Variants in PDE6B observed in about 807,000 individuals in gnomAD.
PDE6B encodes rod cGMP-specific 3',5'-cyclic phosphodiesterase subunit beta.
Under a neutral mutation model 109.0 loss-of-function variants are expected in PDE6B, and 106 were observed. That is an observed-to-expected ratio of 0.97 (90% CI 0.83 to 1.14). The LOEUF (loss-of-function observed/expected upper bound fraction) is 1.14, where lower values mean the gene tolerates loss of function less well. Among genes scored for constraint, PDE6B ranks in the 50% most tolerant of loss-of-function variants. PDE6B has a pLI of 0.00. For missense variants in PDE6B, 1,193 were observed against 1,155.6 expected, an observed-to-expected ratio of 1.03 and a Z score of -0.47; for synonymous variants, 490 against 471.3, an observed-to-expected ratio of 1.04 and a Z score of -0.51.
chr4:641,577 G>C (rs999389548), intron 3 of PDE6B, among the ~76,000 whole-genome samples: 2 of 152,228 alleles, frequency 1.3e-5, no homozygotes, highest in African/African-American at 4.8e-5. Context: ...AGGCGTCCCA[G>C]CTCCTGGGGG....
In PDE6B at chr4:670,775, G is replaced by A. The variant is rs1738423957; in HGVS notation, c.*668G>A. The A allele has an allele frequency of 6.5e-6, 1 of 153,046 alleles. No individual in the cohort carries two copies. The highest frequency in any genetic ancestry group is 2.4e-5 in the African/African-American group (1 of 41,428). 9.5% of individuals were successfully genotyped at this position (153,046 alleles called of 1,614,324 possible). The stretch of plus-strand genomic sequence containing the variant: ...TCAGGAATTCAGAATAAAATAAACA[G>A]AAAACTACTTGCCCATTATCTGTGG... On this transcript the variant is annotated 3_prime_UTR_variant, in exon 22 of 22. Transcript: ENST00000496514.
intron 9 of PDE6B, 98 bp downstream of exon 9, chr4:657,121 C>G: frequency 1.5e-6 from 2 of 1,332,572 alleles, no homozygotes; most frequent in Non-Finnish European, 2.2e-6. Context: ...CGGCTGTGTG[C>G]GTGTGCTCAT....
intron 3 of PDE6B, among the ~76,000 whole-genome samples, chr4:637,883 G>C (rs1734769543): frequency 6.6e-6 from 1 of 152,248 alleles, no homozygotes; most frequent in African/African-American, 2.4e-5. Flanking sequence ...ACAGTGGGAT[G>C]CCTGGGAGCT....
intron 8 of PDE6B, 30 bp downstream of exon 8, chr4:656,322 A>G (rs768361782): frequency 2.0e-5 from 27 of 1,365,414 alleles, no homozygotes; most frequent in Non-Finnish European, 2.8e-5. Context: ...TAGAAATTAT[A>G]CTTACTTACA....
In PDE6B at chr4:664,189, G is replaced by C. The variant is rs1577302684; in HGVS notation, c.2097G>C (p.Leu699=). 4 of 1,609,924 alleles carry C rather than the reference G, an allele frequency of 2.5e-6. No homozygotes were observed. The highest frequency in any genetic ancestry group is 2.2e-5 in the East Asian group (1 of 44,866). ...ACAAGAAGAGCTGGGTGGAGTACCT[G>C]TCCCTGGAGACGACCCGGAAGGAGA... The part of the protein sequence containing the change: ...YQDKKSWVEY[L]SLETTRKEIV... Residue 699 remains leucine (L), a synonymous_variant, in exon 17 of 22, where the codon CTG becomes CTC. Coordinates refer to ENST00000496514, the MANE Select transcript of PDE6B (RefSeq NM_000283.4).
intron 12 of PDE6B, 165 bp from the exon 13 acceptor site, chr4:661,969 G>C (rs1427900645): frequency 4.6e-6 from 3 of 655,648 alleles, no homozygotes; most frequent in East Asian, 5.5e-5. Flanking sequence ...AAGGCCAGCA[G>C]AGGCCAGTGG....
In PDE6B at chr4:665,695, G is replaced by A. The variant is rs779551418; in HGVS notation, c.2268+366G>A. Among the ~76,000 whole-genome samples, 11 of 152,168 alleles carry A rather than the reference G, an allele frequency of 7.2e-5. No homozygotes were observed. Among genetic ancestry groups the A allele is most frequent in the Non-Finnish European group, 1.5e-4 (10 of 68,026 alleles). ...CAGAGAACGCATGGGGGGCGTCCCG[G>A]GCCCACACAGTGGTATGATGGACAA... On this transcript the variant is annotated intron_variant, in intron 19 of 21. Transcript: ENST00000496514. The surrounding 1 kb of genome is among the most constrained non-coding windows in gnomAD (Gnocchi z 4.0).
chr4:662,749 G>T lies in PDE6B; in HGVS notation c.1832+131G>T. 1.4e-6 allele frequency: 1 copy of T among 717,908 alleles called. No homozygotes were observed. The highest frequency in any genetic ancestry group is 2.5e-6 in the Non-Finnish European group (1 of 397,412). The allele number at this position is 717,908 out of a possible 1,614,324, so 44.5% of individuals were successfully genotyped here. A position where few individuals can be genotyped will look rare whatever the true frequency, so the allele number is the denominator to read the frequency against. Reference sequence around the variant, plus strand: ...CCAGGCCCCGTACTCCAGCACTGTGGGAGGCCAAGGCGAGGGGATTGCTTG... The same window carrying T: ...CCAGGCCCCGTACTCCAGCACTGTGTGAGGCCAAGGCGAGGGGATTGCTTG... On this transcript the variant is annotated intron_variant, in intron 14 of 21. Transcript: ENST00000496514. This position sits in a 1 kb window ranked among gnomAD's most constrained non-coding sequence, Gnocchi z 4.3.
At chr4:635,629 G>A (rs931515285) in intron 2 of PDE6B, among the ~76,000 whole-genome samples, 7 of 152,336 alleles carry the variant, frequency 4.6e-5, no homozygotes, top group East Asian at 1.9e-4. Context: ...TGGGCTCCAC[G>A]TGCTCATCTG....
chr4:657,022 AGGTAAGCACCTGG>A lies in PDE6B; in HGVS notation c.1257+1_1257+13del. The A allele has an allele frequency of 6.2e-7, 1 of 1,612,998 alleles. No individual in the cohort carries two copies. On this transcript the variant is annotated splice_donor_variant and splice_donor_5th_base_variant and coding_sequence_variant and intron_variant, in exon 9 of 22. Transcript: ENST00000496514. LOFTEE classifies it high-confidence loss of function. ...GACGAACAGGACGAGGTTCTCATGG[AGGTAAGCACCTGG>A]GCAGACGTGGTTCCGCCGGGGATGC... is the stretch of plus-strand genomic sequence containing the variant.
Position 670,240 on chromosome 4 carries a change from T to A in PDE6B, c.*133T>A, listed in dbSNP as rs13106957. On this transcript the variant is annotated 3_prime_UTR_variant, in exon 22 of 22. Transcript: ENST00000496514. ...CTGAAGATCATTCTGGATATTTTAA[T>A]TTTTTTTTTTTTTTTTTTTTGAGAT... 5.2e-5 allele frequency: 13 copies of A among 249,878 alleles called. No homozygotes were observed. Among genetic ancestry groups the A allele is most frequent in the Non-Finnish European group, 7.3e-5 (13 of 177,190 alleles). The allele number at this position is 249,878 out of a possible 1,614,324, so 15.5% of individuals were successfully genotyped here. A position where few individuals can be genotyped will look rare whatever the true frequency, so the allele number is the denominator to read the frequency against.
Position 625,906 on chromosome 4 carries a change from C to T in PDE6B, c.280C>T (p.Leu94Phe), listed in dbSNP as rs779107171. 8 of 1,603,766 alleles carry T rather than the reference C, an allele frequency of 5.0e-6. No individual in the cohort carries two copies. In the South Asian group the frequency reaches 8.9e-5, roughly 18 times the overall value. ...CCTCCTGCAGGCCGACCGCTGCAGCCTCTTCATGTACCGCCAGCGCAACGG... is the reference window on the plus strand; with the variant it reads ...CCTCCTGCAGGCCGACCGCTGCAGCTTCTTCATGTACCGCCAGCGCAACGG... The part of the protein sequence containing the change: ...CTLLQADRCS[L>F]FMYRQRNGVA... The change falls in exon 1 of 22, where the codon CTC (leucine) becomes TTC (phenylalanine). Residue 94 changes from leucine to phenylalanine, a missense_variant. Transcript: ENST00000496514. This position sits in a 1 kb window ranked among gnomAD's most constrained non-coding sequence, Gnocchi z 5.0.
At chr4:645,469 G>GTAT (rs1435388900) in intron 3 of PDE6B, among the ~76,000 whole-genome samples, 1 of 151,348 alleles carries the variant, frequency 6.6e-6, no homozygotes, top group East Asian at 1.9e-4. Context: ...CTAATTTTTT[G>GTAT]TATTTTTAGT....
At chr4:634,641 G>T in intron 1 of PDE6B, 36 bp from the exon 2 acceptor site, 1 of 1,590,402 alleles carries the variant, frequency 6.3e-7, no homozygotes, top group South Asian at 1.1e-5. Flanking sequence ...CCCACGGTGC[G>T]ACAGCCTCTT....
At chr4:631,735 G>A (rs1020037087) in intron 1 of PDE6B, among the ~76,000 whole-genome samples, 1 of 151,436 alleles carries the variant, frequency 6.6e-6, no homozygotes, top group African/African-American at 2.4e-5. Flanking sequence ...GGTCATGAGG[G>A]TCACATTGTG....
rs193116090 is a variant in PDE6B at position 665,007 on chromosome 4, G to A, written c.2193+63G>A. On this transcript the variant is annotated intron_variant, in intron 18 of 21. Transcript: ENST00000496514. This position sits in a 1 kb window ranked among gnomAD's most constrained non-coding sequence, Gnocchi z 4.0. ...CTCTCAGCACATGGGACTGCCGGGC[G>A]GGCGGGAGCCTCGGATGGCAACGGA... The A allele has an allele frequency of 1.9e-3, 2,545 of 1,347,430 alleles. 1 individual carries two copies. Among genetic ancestry groups the A allele is most frequent in the South Asian group, 6.6e-3 (565 of 85,786 alleles). The allele number at this position is 1,347,430 out of a possible 1,614,324, so 83.5% of individuals were successfully genotyped here.
At chr4:656,134 C>G in intron 7 of PDE6B, 111 bp from the exon 8 acceptor site, 2 of 1,008,164 alleles carry the variant, frequency 2.0e-6, no homozygotes, top group Non-Finnish European at 3.2e-6. Context: ...AAGCCCCCAG[C>G]TGCCCTGCTT....
chr4:654,393 C>T (rs1054292271), intron 5 of PDE6B: 5 of 650,698 alleles, frequency 7.7e-6, no homozygotes, highest in South Asian at 6.6e-5. Context: ...AGACCCACGT[C>T]GGCTCTGATT....
Position 650,707 on chromosome 4 carries a change from G to T in PDE6B, c.712-3145G>T, listed in dbSNP as rs537228173. Among the ~76,000 whole-genome samples the T allele has an allele frequency of 1.4e-4, 22 of 152,264 alleles. No homozygotes were observed. The South Asian group carries it at 4.4e-3, about 30-fold the overall frequency. ...GGGCTGGCGTCTGGAGGCTGCGGAG[G>T]CGAGAAGGCTGGTTGGGGAGGCTGC... On this transcript the variant is annotated intron_variant, in intron 3 of 21. Transcript: ENST00000496514.
Sources: allele counts gnomAD v4.1 joint callset (sites outside exome capture counted in the v4.1 genomes callset), GRCh38; gene constraint gnomAD v4.1.1; non-coding constraint Gnocchi (gnomAD v3.1); transcripts MANE v1.5; gene names NCBI Gene and HGNC (gene_info 2026-07-23, HGNC 2026-07-21).